Variants in HESX1 observed in about 807,000 individuals in gnomAD.
HESX1 encodes HESX homeobox 1.
HESX1 carries 11 observed loss-of-function variants against 22.5 expected under a neutral mutation model. The observed-to-expected ratio is 0.49, with a 90% CI of 0.31 to 0.81. HESX1 has a LOEUF of 0.81. Ranked by LOEUF, HESX1 falls within the 30% of genes least tolerant of loss-of-function variation. The probability of loss-of-function intolerance (pLI) is 0.05; values close to 1 mark genes in which losing one functional copy is unlikely to be tolerated. For missense variants in HESX1, 201 were observed against 212.6 expected (o/e 0.95, Z 0.34); for synonymous variants, 74 against 76.5 (o/e 0.97, Z 0.17).
At chr3:57,201,621 A>C (rs774349761), upstream of HESX1, among the ~76,000 whole-genome samples, 3 of 149,734 alleles carry the variant, frequency 2.0e-5, no homozygotes, top group Non-Finnish European at 4.4e-5. Flanking sequence ...CAGGGTAAGA[A>C]TGAGAAAAGG....
At chr3:57,203,151 G>A (rs1384228188), upstream of HESX1, among the ~76,000 whole-genome samples, 1 of 152,190 alleles carries the variant, frequency 6.6e-6, no homozygotes, top group Non-Finnish European at 1.5e-5. Flanking sequence ...GCTGCTCTGT[G>A]GAAAGGGATT....
intron 1 of HESX1, among the ~76,000 whole-genome samples, chr3:57,220,983 TA>T (rs2060612951): frequency 6.6e-6 from 1 of 152,124 alleles, no homozygotes; most frequent in African/African-American, 2.4e-5. Context: ...ACTCTTACAT[TA>T]GGGGTGACGG....
intron 1 of HESX1, among the ~76,000 whole-genome samples, chr3:57,209,671 C>CAAA (rs71088042): frequency 2.9e-4 from 24 of 82,092 alleles, no homozygotes; most frequent in Non-Finnish European, 5.0e-4. Context: ...AGCTCCATCT[C>CAAA]AAAAAAAAAA....
intron 1 of HESX1, among the ~76,000 whole-genome samples, chr3:57,219,755 A>G (rs2060604258): frequency 6.6e-6 from 1 of 152,160 alleles, no homozygotes; most frequent in South Asian, 2.1e-4. Flanking sequence ...TGTCAGATGC[A>G]TAGTTTCCAA....
chr3:57,216,020 T>C (rs1244510111), intron 1 of HESX1, among the ~76,000 whole-genome samples: 1 of 152,114 alleles, frequency 6.6e-6, no homozygotes, highest in African/African-American at 2.4e-5. Flanking sequence ...CTGAATAGTG[T>C]TTTTCCTGCA....
At chr3:57,225,568 C>T (rs2060636994) in intron 1 of HESX1, among the ~76,000 whole-genome samples, 1 of 152,100 alleles carries the variant, frequency 6.6e-6, no homozygotes, top group African/African-American at 2.4e-5. Context: ...GTCTCCATCT[C>T]TTGACCTCTT....
intron 1 of HESX1, among the ~76,000 whole-genome samples, chr3:57,213,030 G>A (rs1328498285): frequency 6.6e-6 from 1 of 151,894 alleles, no homozygotes; most frequent in Non-Finnish European, 1.5e-5. Flanking sequence ...GTTCTGTAAT[G>A]TGGTCCACTC....
upstream of HESX1, among the ~76,000 whole-genome samples, chr3:57,202,340 G>GTTT (rs2060495195): frequency 6.6e-6 from 1 of 151,702 alleles, no homozygotes; most frequent in Non-Finnish European, 1.5e-5. Flanking sequence ...TTGTTTGTTT[G>GTTT]TTTGCTGGTT....
intron 1 of HESX1, among the ~76,000 whole-genome samples, chr3:57,226,018 T>C (rs1385084296): frequency 6.6e-6 from 1 of 151,848 alleles, no homozygotes; most frequent in Non-Finnish European, 1.5e-5. Flanking sequence ...TAGCTGGGAC[T>C]ACAGGCACGC....
At position 57,199,875 on chromosome 3, in the gene HESX1, T is replaced by C; in HGVS notation, c.44A>G (p.Lys15Arg). 1 of 1,614,006 alleles carries C rather than the reference T, an allele frequency of 6.2e-7. No homozygotes were observed. Among genetic ancestry groups the C allele is most frequent in the Non-Finnish European group, 8.5e-7 (1 of 1,179,974 alleles). Residue 15 changes from lysine (K) to arginine (R), a missense_variant, in exon 1 of 4, where the codon AAA (lysine) becomes AGA (arginine). By Grantham distance (26) the Lys-to-Arg change is conservative (BLOSUM62 2). Coordinates refer to ENST00000295934, the MANE Select transcript of HESX1 (RefSeq NM_003865.3). ...LQEGAQLGEN[K>R]PSTCSFSIER... ...AATTGAAAAGGAGCAAGTTGAGGGT[T>C]TGTTTTCCCCGAGCTGAGCGCCTTC...
rs557653279 is a variant in HESX1 at position 57,225,617 on chromosome 3, A to G, written c.-111+679T>C. Among the ~76,000 whole-genome samples, 14 of 152,304 alleles carry G rather than the reference A, an allele frequency of 9.2e-5. No individual in the cohort carries two copies. In the South Asian group the frequency reaches 2.9e-3, roughly 32 times the overall value. ...CAGCCTCCCAAAGTGCTGGGATTAC[A>G]GGCGTGAGCCCCACCGCGCCCAGCC... is the stretch of plus-strand genomic sequence containing the variant. On this transcript the variant is annotated intron_variant, in intron 1 of 2. Coordinates refer to the HESX1 transcript ENST00000495160.
intron 1 of HESX1, 126 bp downstream of exon 1, chr3:57,199,632 AAAAT>A: frequency 1.1e-5 from 6 of 548,914 alleles, no homozygotes; most frequent in Admixed American, 5.6e-5. Flanking sequence ...AAAAAAAAAA[AAAAT>A]AATAAATAAT....
chr3:57,198,775 C>G lies in HESX1; in HGVS notation c.335G>C (p.Arg112Thr). ...CACCTGGTTTTGAGTAAAAGCAGTT[C>G]TTGGTCTTCGGCCTCTATACCAACT... Reference protein sequence around the residue: ...ELSWYRGRRPRTAFTQNQIEV... With the variant: ...ELSWYRGRRPTTAFTQNQIEV... The change falls in exon 2 of 4, where the codon AGA becomes ACA. Residue 112 changes from arginine (R) to threonine (T), a missense_variant. By Grantham distance (71) the Arg-to-Thr change is moderately conservative. Coordinates refer to ENST00000295934, the MANE Select transcript of HESX1 (RefSeq NM_003865.3). 6.2e-7 allele frequency: 1 copy of G among 1,614,046 alleles called. No individual in the cohort carries two copies. Among genetic ancestry groups the G allele is most frequent in the Non-Finnish European group, 8.5e-7 (1 of 1,179,990 alleles).
chr3:57,202,339 T>G (rs371321565), upstream of HESX1, among the ~76,000 whole-genome samples: 159 of 152,112 alleles, frequency 1.0e-3, 1 homozygote, highest in African/African-American at 3.6e-3. Flanking sequence ...TTTGTTTGTT[T>G]GTTTGCTGGT....
chr3:57,224,566 C>T (rs969054422), intron 1 of HESX1, among the ~76,000 whole-genome samples: 4 of 152,128 alleles, frequency 2.6e-5, no homozygotes, highest in Non-Finnish European at 4.4e-5. Context: ...GGAGAGATTC[C>T]CAGCCCTGAC....
rs1424960709 is a variant in HESX1, at chr3:57,198,001, A to G, written c.*196T>C. On this transcript the variant is annotated 3_prime_UTR_variant, in exon 4 of 4. Transcript: ENST00000295934. The stretch of plus-strand genomic sequence containing the variant: ...TCTGAAAATGTTTATTAAAATATAT[A>G]TAAAAGGTCTTTACTATAACTAAAA... The G allele has an allele frequency of 2.2e-6, 1 of 453,192 alleles. No individual in the cohort carries two copies. The highest frequency in any genetic ancestry group is 3.9e-6 in the Non-Finnish European group (1 of 255,362). The allele number at this position is 453,192 out of a possible 1,614,324, so 28.1% of individuals were successfully genotyped here.
At chr3:57,211,457 G>A (rs2060553177) in intron 1 of HESX1, among the ~76,000 whole-genome samples, 2 of 147,740 alleles carry the variant, frequency 1.4e-5, no homozygotes, top group South Asian at 4.3e-4. Context: ...TTGAGCGTAG[G>A]AGGTTGAGGC....
At chr3:57,219,770 T>G (rs936768912) in intron 1 of HESX1, among the ~76,000 whole-genome samples, 27 of 152,196 alleles carry the variant, frequency 1.8e-4, no homozygotes, top group African/African-American at 6.3e-4. Context: ...TTCCAAAAAT[T>G]TTCTCCCATT....
At chr3:57,202,834 C>T (rs748140461), upstream of HESX1, among the ~76,000 whole-genome samples, 3 of 152,078 alleles carry the variant, frequency 2.0e-5, no homozygotes, top group Admixed American at 6.6e-5. Context: ...GGAGGAGGGC[C>T]TAAGGAAGTG....
Sources: gnomAD v4.1 joint callset for allele counts (sites outside exome capture counted in the v4.1 genomes callset) on GRCh38, gnomAD v4.1.1 for gene constraint, MANE v1.5 for transcripts, NCBI Gene and HGNC (gene_info 2026-07-23, HGNC 2026-07-21) for gene names.